Variants in HS6ST3 observed in about 807,000 individuals in gnomAD.
HS6ST3 encodes heparan sulfate 6-O-sulfotransferase 3.
Under a neutral mutation model 36.7 loss-of-function variants are expected in HS6ST3, and 12 were observed. The ratio of observed to expected loss-of-function variants is 0.33; its 90% CI spans 0.21 to 0.53. HS6ST3 has a LOEUF of 0.53. HS6ST3 is among the 20% of genes least tolerant of loss of function. The pLI, the probability that HS6ST3 is intolerant of heterozygous loss-of-function variation, is 0.95. For missense variants in HS6ST3, 584 were observed against 640.9 expected, an observed-to-expected ratio of 0.91 and a Z score of 0.96; for synonymous variants, 240 against 257.5, an observed-to-expected ratio of 0.93 and a Z score of 0.65.
intron 1 of HS6ST3, among the ~76,000 whole-genome samples, chr13:96,819,283 G>A (rs1027011499): frequency 6.6e-6 from 1 of 152,108 alleles, no homozygotes; most frequent in Admixed American, 6.5e-5. Flanking sequence ...GAAAAAAAGA[G>A]ACCCCAGACT....
intron 1 of HS6ST3, 126 bp downstream of exon 1, chr13:96,091,695 CGCCGTG>C: frequency 7.5e-7 from 1 of 1,329,232 alleles, no homozygotes; most frequent in South Asian, 1.5e-5. Flanking sequence ...CAGCGGTTGG[CGCCGTG>C]GCTTTGGGGA....
chr13:96,202,797 G>C (rs917877247), intron 1 of HS6ST3, among the ~76,000 whole-genome samples: 1 of 152,134 alleles, frequency 6.6e-6, no homozygotes, highest in African/African-American at 2.4e-5. Context: ...AAATGACTCA[G>C]GTTCACAGAA....
At chr13:96,758,904 A>G (rs559254547) in intron 1 of HS6ST3, among the ~76,000 whole-genome samples, 1 of 152,006 alleles carries the variant, frequency 6.6e-6, no homozygotes, top group East Asian at 1.9e-4. Context: ...TTAATCAATT[A>G]CTGAGAAAAA....
rs2282135 is a variant in HS6ST3 at position 96,837,651 on chromosome 13, C to T, written c.*4453C>T. 0.24 allele frequency: 36,661 copies of T among 151,940 alleles called. 4,774 individuals are homozygous for T. Among genetic ancestry groups the T allele is most frequent in the East Asian group, 0.43 (2,211 of 5,154 alleles). The allele number at this position is 151,940 out of a possible 1,614,324, so 9.4% of individuals were successfully genotyped here. On this transcript the variant is annotated 3_prime_UTR_variant, in exon 2 of 2. Transcript: ENST00000376705. Reference sequence around the variant, plus strand: ...CAGCTCCCTACCTCCAGTGAGGGGGCCTCTTATTAGGAATGAAATATCCAA... The same window carrying T: ...CAGCTCCCTACCTCCAGTGAGGGGGTCTCTTATTAGGAATGAAATATCCAA...
chr13:96,620,251 A>T lies in HS6ST3; in HGVS notation c.708-212239A>T, dbSNP rs115436684. On this transcript the variant is annotated intron_variant, in intron 1 of 1. Transcript: ENST00000376705. ...TTCTGCACCCCTCCCTAACACTTTG[A>T]TGGTTTTCTATTAAGTATGGTTTAG... Among the ~76,000 whole-genome samples, 858 of 152,242 alleles carry T rather than the reference A, an allele frequency of 5.6e-3. 5 individuals are homozygous for T. Among genetic ancestry groups the T allele is most frequent in the African/African-American group, 0.02 (810 of 41,538 alleles).
intron 1 of HS6ST3, among the ~76,000 whole-genome samples, chr13:96,800,677 C>A (rs1878043991): frequency 6.6e-6 from 1 of 152,064 alleles, no homozygotes; most frequent in Non-Finnish European, 1.5e-5. Flanking sequence ...TCTCCACCCT[C>A]CTTACTGGTT....
chr13:96,257,506 CT>C (rs1270048500), intron 1 of HS6ST3, among the ~76,000 whole-genome samples: 1 of 152,180 alleles, frequency 6.6e-6, no homozygotes, highest in Non-Finnish European at 1.5e-5. Context: ...GCTTTACCCA[CT>C]TATCAATTTT....
At chr13:96,372,566 T>C (rs1429991459) in intron 1 of HS6ST3, among the ~76,000 whole-genome samples, 2 of 152,290 alleles carry the variant, frequency 1.3e-5, no homozygotes, top group Middle Eastern at 3.4e-3. Flanking sequence ...CCCAGACCAA[T>C]GTCATGGAAC....
chr13:96,447,251 C>T, intron 1 of HS6ST3, among the ~76,000 whole-genome samples: 1 of 152,140 alleles, frequency 6.6e-6, no homozygotes, highest in East Asian at 1.9e-4. Context: ...CATAACTGTC[C>T]AAAGTCAGCC....
intron 1 of HS6ST3, among the ~76,000 whole-genome samples, chr13:96,681,931 AC>A (rs1191209292): frequency 6.6e-6 from 1 of 151,952 alleles, no homozygotes; most frequent in African/African-American, 2.4e-5. Context: ...TTCAAACATT[AC>A]CCTCAGTGCA....
At chr13:96,111,434 G>A (rs1325993588) in intron 1 of HS6ST3, among the ~76,000 whole-genome samples, 1 of 152,124 alleles carries the variant, frequency 6.6e-6, no homozygotes, top group African/African-American at 2.4e-5. Context: ...AGACATCTAG[G>A]TATAATTCAT....
intron 1 of HS6ST3, among the ~76,000 whole-genome samples, chr13:96,245,501 G>A (rs1439549948): frequency 6.6e-6 from 1 of 152,122 alleles, no homozygotes. Context: ...CTAATTTCCA[G>A]GGACCTTATA....
At chr13:96,263,652 G>C (rs1161856759) in intron 1 of HS6ST3, among the ~76,000 whole-genome samples, 9 of 152,200 alleles carry the variant, frequency 5.9e-5, no homozygotes, top group Non-Finnish European at 1.0e-4. Flanking sequence ...TAGTGCCCAT[G>C]ATACATAGTT....
chr13:96,431,248 A>G, intron 1 of HS6ST3, among the ~76,000 whole-genome samples: 1 of 151,764 alleles, frequency 6.6e-6, no homozygotes, highest in South Asian at 2.1e-4. Context: ...AACAACAACA[A>G]CAACAACAAA....
chr13:96,245,603 G>A (rs899890479), intron 1 of HS6ST3, among the ~76,000 whole-genome samples: 1 of 151,988 alleles, frequency 6.6e-6, no homozygotes, highest in Non-Finnish European at 1.5e-5. Context: ...TCCTTTTTCC[G>A]ATGCTAAGGT....
intron 1 of HS6ST3, among the ~76,000 whole-genome samples, chr13:96,615,497 C>T (rs559956479): frequency 6.6e-6 from 1 of 152,192 alleles, no homozygotes; most frequent in Admixed American, 6.5e-5. Context: ...TCAATCTTGG[C>T]CCATTCATCA....
intron 1 of HS6ST3, among the ~76,000 whole-genome samples, chr13:96,650,493 A>G (rs925028403): frequency 6.6e-6 from 1 of 152,032 alleles, no homozygotes; most frequent in Non-Finnish European, 1.5e-5. Context: ...TTCTGAACGA[A>G]TGAGTCACTT....
chr13:96,428,965 A>G (rs1041068877), intron 1 of HS6ST3, among the ~76,000 whole-genome samples: 1 of 152,254 alleles, frequency 6.6e-6, no homozygotes, highest in Non-Finnish European at 1.5e-5. Context: ...GTAGTTATAA[A>G]TGACTATAAG....
At chr13:96,462,446 G>A (rs1286837783) in intron 1 of HS6ST3, among the ~76,000 whole-genome samples, 2 of 152,168 alleles carry the variant, frequency 1.3e-5, no homozygotes, top group African/African-American at 2.4e-5. Context: ...ATAATTTGTG[G>A]CGAACTAGGT....
Sources: allele counts gnomAD v4.1 joint callset (sites outside exome capture counted in the v4.1 genomes callset), GRCh38; gene constraint gnomAD v4.1.1; transcripts MANE v1.5; gene names NCBI Gene and HGNC (gene_info 2026-07-23, HGNC 2026-07-21).